Variants in FOXO3 observed in about 807,000 individuals in gnomAD.
The protein encoded by FOXO3 is forkhead box O3, also known as forkhead box protein O3.
Under a neutral mutation model 41.9 loss-of-function variants are expected in FOXO3, and 4 were observed. The observed-to-expected ratio is 0.10, with a 90% CI of 0.05 to 0.22. The LOEUF is 0.22. Among genes scored for constraint, FOXO3 ranks in the 10% least tolerant of loss-of-function variants. The pLI, the probability that FOXO3 is intolerant of heterozygous loss-of-function variation, is 1.00. For synonymous variants in FOXO3, 318 were observed against 389.3 expected (o/e 0.82, Z 2.16); for missense variants, 534 against 906.8 (o/e 0.59, Z 5.28).
chr6:108,596,930 A>C (rs974437628), intron 1 of FOXO3, among the ~76,000 whole-genome samples: 1 of 152,108 alleles, frequency 6.6e-6, no homozygotes, highest in Non-Finnish European at 1.5e-5. Flanking sequence ...AGTTATCAGC[A>C]GAACATACTT....
At chr6:108,649,093 AG>A (rs1414677108) in intron 1 of FOXO3, among the ~76,000 whole-genome samples, 1 of 150,184 alleles carries the variant, frequency 6.7e-6, no homozygotes, top group Non-Finnish European at 1.5e-5. Context: ...TCAGAGGCAA[AG>A]GGATCTGTTA....
At chr6:108,596,383 A>C (rs9486905) in intron 1 of FOXO3, among the ~76,000 whole-genome samples, 1 of 86,816 alleles carries the variant, frequency 1.2e-5, no homozygotes, top group East Asian at 2.7e-4. Flanking sequence ...GGCCTAAATG[A>C]AAAAAAAAAA....
At chr6:108,577,179 C>T (rs2128358935) in intron 1 of FOXO3, among the ~76,000 whole-genome samples, 1 of 140,144 alleles carries the variant, frequency 7.1e-6, no homozygotes, top group Admixed American at 7.6e-5. Flanking sequence ...AAGTTCTTTG[C>T]CCCAAGTTCT....
chr6:108,593,718 T>C (rs970716734), intron 1 of FOXO3, among the ~76,000 whole-genome samples: 1 of 136,260 alleles, frequency 7.3e-6, no homozygotes, highest in African/African-American at 2.8e-5. Flanking sequence ...TCTTCTTTTT[T>C]TTTTTTTTTT....
chr6:108,666,949 A>C (rs1218378013), intron 2 of FOXO3, among the ~76,000 whole-genome samples: 3 of 152,166 alleles, frequency 2.0e-5, no homozygotes, highest in Non-Finnish European at 4.4e-5. Context: ...GTGGTGTAAA[A>C]AGCAAGGGAA....
intron 1 of FOXO3, among the ~76,000 whole-genome samples, chr6:108,650,157 G>A (rs992198319): frequency 1.3e-5 from 2 of 152,130 alleles, no homozygotes; most frequent in Non-Finnish European, 2.9e-5. Context: ...AACCAAGGAG[G>A]TAGTTATAAG....
At chr6:108,579,152 C>T (rs1776342126) in intron 1 of FOXO3, among the ~76,000 whole-genome samples, 1 of 152,164 alleles carries the variant, frequency 6.6e-6, no homozygotes, top group Non-Finnish European at 1.5e-5. Flanking sequence ...AAACAAACTC[C>T]AGCAGGATGA....
At chr6:108,561,967 G>A (rs2128354388) in intron 1 of FOXO3, 138 bp downstream of exon 1, 2 of 1,328,210 alleles carry the variant, frequency 1.5e-6, no homozygotes, top group Admixed American at 3.5e-5. Context: ...GCGAGGCTTT[G>A]GGGGTTATCT....
At chr6:108,666,299 A>G (rs1228966562) in intron 2 of FOXO3, among the ~76,000 whole-genome samples, 1 of 152,134 alleles carries the variant, frequency 6.6e-6, no homozygotes. Context: ...AGTTTGCCCA[A>G]GGTTACAGAG....
At chr6:108,595,044 C>A (rs1428813771) in intron 1 of FOXO3, among the ~76,000 whole-genome samples, 1 of 152,138 alleles carries the variant, frequency 6.6e-6, no homozygotes, top group Non-Finnish European at 1.5e-5. Context: ...GCTCAGATTT[C>A]AGTTTATCCT....
chr6:108,674,695 T>C (rs1415767772), intron 2 of FOXO3, among the ~76,000 whole-genome samples: 2 of 152,184 alleles, frequency 1.3e-5, no homozygotes, highest in African/African-American at 4.8e-5. Flanking sequence ...TCTTTGAACC[T>C]GACCCATCGG....
chr6:108,606,308 C>T (rs985752275), intron 1 of FOXO3, among the ~76,000 whole-genome samples: 1 of 152,262 alleles, frequency 6.6e-6, no homozygotes, highest in South Asian at 2.1e-4. Context: ...AGTATATCAG[C>T]CCCTTTGTTC....
Position 108,561,051 on chromosome 6 carries a change from C to T in FOXO3, c.-158C>T. On this transcript the variant is annotated 5_prime_UTR_variant, in exon 1 of 3. Coordinates refer to ENST00000406360, the MANE Select transcript of FOXO3 (RefSeq NM_001455.4). Reference sequence around the variant, plus strand: ...GGACGGGGCTCCGGCCCGGGATAACCAACTCTCCTTCTCTCTTCTTTGGTG... The same window carrying T: ...GGACGGGGCTCCGGCCCGGGATAACTAACTCTCCTTCTCTCTTCTTTGGTG... 4 of 1,409,218 alleles carry T rather than the reference C, an allele frequency of 2.8e-6. No homozygotes were observed. Among genetic ancestry groups the T allele is most frequent in the South Asian group, 1.5e-5 (1 of 65,672 alleles). The allele number at this position is 1,409,218 out of a possible 1,614,324, so 87.3% of individuals were successfully genotyped here.
Position 108,680,560 on chromosome 6 carries a change from C to G in FOXO3, c.*768C>G, listed in dbSNP as rs2128394044. 1 of 152,446 alleles carries G rather than the reference C, an allele frequency of 6.6e-6. No individual in the cohort carries two copies. Among genetic ancestry groups the G allele is most frequent in the Non-Finnish European group, 1.5e-5 (1 of 68,078 alleles). The allele number at this position is 152,446 out of a possible 1,614,324, so 9.4% of individuals were successfully genotyped here. On this transcript the variant is annotated 3_prime_UTR_variant, in exon 3 of 3. Transcript: ENST00000406360. ...AGTCAGGGTGATCTGTGGACGGGACCCCAGCACCAAGTCTACGGGTGCCAG... is the reference window on the plus strand; with the variant it reads ...AGTCAGGGTGATCTGTGGACGGGACGCCAGCACCAAGTCTACGGGTGCCAG...
At chr6:108,616,510 C>T (rs1307602882) in intron 1 of FOXO3, among the ~76,000 whole-genome samples, 1 of 152,032 alleles carries the variant, frequency 6.6e-6, no homozygotes, top group Non-Finnish European at 1.5e-5. Flanking sequence ...GTTGGCCAGG[C>T]TGGTCTCAAC....
intron 1 of FOXO3, among the ~76,000 whole-genome samples, chr6:108,563,093 G>A (rs772764737): frequency 2.6e-5 from 4 of 152,056 alleles, no homozygotes; most frequent in Non-Finnish European, 5.9e-5. Context: ...GGTTTCAGGA[G>A]GTATAAAAAT....
Position 108,561,469 on chromosome 6 carries a change from G to T in FOXO3, c.261G>T (p.Thr87=), listed in dbSNP as rs1283998936. 3 of 1,528,786 alleles carry T rather than the reference G, an allele frequency of 2.0e-6. No homozygotes were observed. The South Asian group carries it at 3.7e-5, about 19-fold the overall frequency. 94.7% of individuals were successfully genotyped at this position (1,528,786 alleles called of 1,614,324 possible). ...TCGGCGGCGGCGGCGGGAGCGGCAC[G>T]CTGGGCTCCGGGCTGCTCCTTGAGG... ...MAIGGGGGSG[T]LGSGLLLEDS... Residue 87 remains threonine (T), a synonymous_variant, in exon 1 of 3, where the codon ACG becomes ACT. Transcript: ENST00000406360.
At chr6:108,640,898 G>A (rs1468690156) in intron 1 of FOXO3, among the ~76,000 whole-genome samples, 1 of 152,002 alleles carries the variant, frequency 6.6e-6, no homozygotes, top group Non-Finnish European at 1.5e-5. Context: ...TTACTGATTT[G>A]GAAACTCAGT....
intron 1 of FOXO3, among the ~76,000 whole-genome samples, chr6:108,603,627 A>G (rs1471507826): frequency 1.3e-5 from 2 of 152,196 alleles, no homozygotes; most frequent in African/African-American, 4.8e-5. Flanking sequence ...ATCTCCAGGT[A>G]TTAAATATAA....
Sources: allele counts gnomAD v4.1 joint callset (sites outside exome capture counted in the v4.1 genomes callset), GRCh38; gene constraint gnomAD v4.1.1; transcripts MANE v1.5; gene names NCBI Gene and HGNC (gene_info 2026-07-23, HGNC 2026-07-21).